Variants in H2AZ1 observed in about 807,000 individuals in gnomAD.
The protein encoded by H2AZ1 is H2A.Z variant histone 1.
H2AZ1 carries 3 observed loss-of-function variants against 16.6 expected under a neutral mutation model. The observed-to-expected ratio is 0.18, with a 90% CI of 0.08 to 0.47. The LOEUF (loss-of-function observed/expected upper bound fraction) is 0.47, where lower values mean the gene tolerates loss of function less well. H2AZ1 is among the 20% of genes least tolerant of loss of function. H2AZ1 has a pLI of 0.98. For synonymous variants in H2AZ1, 78 were observed against 60.7 expected (o/e 1.28, Z -1.32); for missense variants, 27 against 163.6 (o/e 0.17, Z 4.55).
chr4:99,948,708 A>G (rs768286699), intron 4 of H2AZ1, 103 bp downstream of exon 4: 4 of 1,484,290 alleles, frequency 2.7e-6, no homozygotes, highest in Non-Finnish European at 3.6e-6. Context: ...TACTTCCATC[A>G]TTGAAAATAT....
At chr4:99,949,797 G>GGCGGCGCGCCCATCCCCCACC (rs1727234373) in intron 1 of H2AZ1, 57 bp from the exon 2 acceptor site, 6 of 1,384,424 alleles carry the variant, frequency 4.3e-6, no homozygotes, top group Non-Finnish European at 6.0e-6. Flanking sequence ...GAATTACCAA[G>GGCGGCGCGCCCATCCCCCACC]GCGGCGCGCC....
intron 2 of H2AZ1, 70 bp from the exon 3 acceptor site, chr4:99,949,456 C>A: frequency 8.8e-7 from 1 of 1,130,976 alleles, no homozygotes. Flanking sequence ...ATTATATGCG[C>A]GCCAAAGCAA....
chr4:99,948,800 A>C lies in H2AZ1; in HGVS notation c.325+11T>G. The C allele has an allele frequency of 6.3e-7, 1 of 1,596,674 alleles. No homozygotes were observed. Among genetic ancestry groups the C allele is most frequent in the African/African-American group, 1.4e-5 (1 of 74,070 alleles). On this transcript the variant is annotated intron_variant, in intron 4 of 4. Transcript: ENST00000296417. ...TGAAGAAATTTTTTAAAATGTTAGA[A>C]GTTAACATACCACCACCAGCAATTG...
intron 1 of H2AZ1, 76 bp downstream of exon 1, chr4:99,950,092 C>G: frequency 6.8e-7 from 1 of 1,464,784 alleles, no homozygotes; most frequent in Non-Finnish European, 9.5e-7. Flanking sequence ...CACTTCACCC[C>G]CATCCCTCTG....
At chr4:99,949,791 T>G in intron 1 of H2AZ1, 51 bp from the exon 2 acceptor site, 1 of 1,403,678 alleles carries the variant, frequency 7.1e-7, no homozygotes, top group African/African-American at 1.4e-5. Context: ...AATATAGAAT[T>G]ACCAAGGCGG....
rs760644452 is a variant in H2AZ1, at chr4:99,949,735, G to A, written c.9C>T (p.Gly3=). The A allele has an allele frequency of 9.9e-6, 16 of 1,608,732 alleles. No homozygotes were observed. The highest frequency in any genetic ancestry group is 3.4e-5 in the Admixed American group (2 of 59,108). Residue 3 remains glycine (G), a synonymous_variant, in exon 2 of 5, where the codon GGC becomes GGT. Coordinates refer to ENST00000296417, the MANE Select transcript of H2AZ1 (RefSeq NM_002106.4). ...TTCCGGAGTCCTTTCCAGCCTTACC[G>A]CCAGCCTGCGGCGCGCACACGCCCG... MA[G]GKAGKDSGKA... is the part of the protein sequence containing the mutation.
chr4:99,949,842 G>A, intron 1 of H2AZ1, 102 bp from the exon 2 acceptor site: 3 of 856,526 alleles, frequency 3.5e-6, no homozygotes, highest in Non-Finnish European at 5.2e-6. Flanking sequence ...CCGCGAGCGC[G>A]TCCCCGCACC....
chr4:99,948,422 GTATT>G lies in H2AZ1; in HGVS notation c.*36_*39del, dbSNP rs1389348517. On this transcript the variant is annotated 3_prime_UTR_variant, in exon 5 of 5. Coordinates refer to ENST00000296417, the MANE Select transcript of H2AZ1 (RefSeq NM_002106.4). ...TCACCAACACTGGACAGCTGTTAGA[GTATT>G]TAGAGTCCTGAGATAACAAGGAATC... 4 of 1,099,818 alleles carry G rather than the reference GTATT, an allele frequency of 3.6e-6. No homozygotes were observed. The highest frequency in any genetic ancestry group is 1.7e-5 in the Admixed American group (1 of 59,072). 68.1% of individuals were successfully genotyped at this position (1,099,818 alleles called of 1,614,324 possible).
Position 99,950,211 on chromosome 4 carries a change from A to T in H2AZ1, c.-41T>A. 2 of 1,601,222 alleles carry T rather than the reference A, an allele frequency of 1.2e-6. No homozygotes were observed. The highest frequency in any genetic ancestry group is 4.5e-5 in the East Asian group (2 of 44,758). On this transcript the variant is annotated 5_prime_UTR_variant, in exon 1 of 5. Transcript: ENST00000296417. ...AGCTCAAGCAAGCAAGGCAGAGAAA[A>T]GGCTAATCGGACCCACGGTGAGATC...
intron 1 of H2AZ1, 41 bp downstream of exon 1, chr4:99,950,127 C>A: frequency 6.2e-7 from 1 of 1,603,604 alleles, no homozygotes; most frequent in Admixed American, 1.7e-5. Context: ...CTCTCGCCGG[C>A]AAAAACCCGC....
chr4:99,949,817 C>T (rs990480309), intron 1 of H2AZ1, 77 bp from the exon 2 acceptor site: 38 of 1,180,692 alleles, frequency 3.2e-5, no homozygotes, highest in African/African-American at 1.6e-5. Context: ...CCATCCCCCA[C>T]CGCGGCGCGT....
intron 4 of H2AZ1, 73 bp downstream of exon 4, chr4:99,948,738 G>A: frequency 1.3e-6 from 2 of 1,541,888 alleles, no homozygotes; most frequent in South Asian, 2.5e-5. Context: ...TCCTCTCCTG[G>A]AAAAACTAAT....
At chr4:99,950,005 G>A (rs1023278230) in intron 1 of H2AZ1, 163 bp downstream of exon 1, 7 of 585,634 alleles carry the variant, frequency 1.2e-5, no homozygotes, top group African/African-American at 1.1e-4. Flanking sequence ...CGAGATCCGA[G>A]GCTGCTCCGC....
chr4:99,949,848 G>A, intron 1 of H2AZ1, 108 bp from the exon 2 acceptor site: 4 of 757,728 alleles, frequency 5.3e-6, no homozygotes, highest in South Asian at 3.9e-5. Flanking sequence ...GCGCGTCCCC[G>A]CACCCTGCCG....
chr4:99,948,471 C>T lies in H2AZ1; in HGVS notation c.378G>A (p.Lys126=), dbSNP rs973930443. 32 of 1,566,654 alleles carry T rather than the reference C, an allele frequency of 2.0e-5. No individual in the cohort carries two copies. The South Asian group carries it at 3.4e-4, about 17-fold the overall frequency. Residue 126 remains lysine, a synonymous_variant, in exon 5 of 5, where the codon AAG becomes AAA. Coordinates refer to ENST00000296417, the MANE Select transcript of H2AZ1 (RefSeq NM_002106.4). ...GGAATCCAGGCATCCTTTAGACAGT[C>T]TTCTGTTGTCCTTTCTTCCCAATCA... ...KSLIGKKGQQ[K]TV
At chr4:99,948,575 G>GT (rs762198930) in intron 4 of H2AZ1, 52 bp from the exon 5 acceptor site, 1 of 1,601,830 alleles carries the variant, frequency 6.2e-7, no homozygotes. Flanking sequence ...AAAAATCACA[G>GT]TATTTGAAAC....
chr4:99,949,124 C>T (rs2110233397), intron 3 of H2AZ1, 149 bp downstream of exon 3: 1 of 661,608 alleles, frequency 1.5e-6, no homozygotes, highest in Non-Finnish European at 2.7e-6. Context: ...CAGTAGGATC[C>T]TTGTTGAACA....
intron 1 of H2AZ1, 26 bp from the exon 2 acceptor site, chr4:99,949,766 G>C: frequency 9.5e-6 from 15 of 1,583,564 alleles, no homozygotes; most frequent in Non-Finnish European, 1.3e-5. Context: ...GCCCGCGAGC[G>C]GAGGAGGAAC....
At chr4:99,949,150 G>A (rs955364625) in intron 3 of H2AZ1, 123 bp downstream of exon 3, 1 of 667,988 alleles carries the variant, frequency 1.5e-6, no homozygotes, top group Non-Finnish European at 2.6e-6. Flanking sequence ...TCCCTCTAGC[G>A]TTCTCTTAGG....
Sources: gnomAD v4.1 joint callset for allele counts on GRCh38, gnomAD v4.1.1 for gene constraint, MANE v1.5 for transcripts, NCBI Gene and HGNC (gene_info 2026-07-23, HGNC 2026-07-21) for gene names.